The following PITPNC1 variants were observed in gnomAD, a reference collection of about 807,000 sequenced individuals.
PITPNC1 encodes the protein phosphatidylinositol transfer protein cytoplasmic 1, also known as cytoplasmic phosphatidylinositol transfer protein 1.
Under a neutral mutation model 44.7 loss-of-function variants are expected in PITPNC1, and 18 were observed. The observed-to-expected ratio is 0.40, with a 90% CI of 0.28 to 0.60. The LOEUF is 0.60. Ranked by LOEUF, PITPNC1 falls within the 20% of genes least tolerant of loss-of-function variation. The probability of loss-of-function intolerance (pLI) is 0.39; values close to 1 mark genes in which losing one functional copy is unlikely to be tolerated. For synonymous variants in PITPNC1, 141 were observed against 149.6 expected, an observed-to-expected ratio of 0.94 and a Z score of 0.42; for missense variants, 290 against 418.4, an observed-to-expected ratio of 0.69 and a Z score of 2.68.
rs566539344 is a variant in PITPNC1, at chr17:67,427,191, A to G, written c.48+48989A>G. Among the ~76,000 whole-genome samples the G allele has an allele frequency of 2.6e-5, 4 of 152,126 alleles. No individual in the cohort carries two copies. The South Asian group carries it at 8.3e-4, about 32-fold the overall frequency. The stretch of plus-strand genomic sequence containing the variant: ...CCTGGCTACTTTCTTTCTTTCCCAC[A>G]ATGTATACTTTCTCACTATTTATTT... On this transcript the variant is annotated intron_variant, in intron 1 of 8. Coordinates refer to ENST00000581322, the MANE Select transcript of PITPNC1 (RefSeq NM_012417.4).
intron 5 of PITPNC1, among the ~76,000 whole-genome samples, chr17:67,605,343 T>C (rs528884706): frequency 6.6e-6 from 1 of 152,340 alleles, no homozygotes; most frequent in African/African-American, 2.4e-5. Context: ...TGCAAGTCTT[T>C]GTCCTGAACC....
rs116781870 is a variant in PITPNC1, at chr17:67,556,885, T to A, written c.294+3268T>A. On this transcript the variant is annotated intron_variant, in intron 4 of 8. Coordinates refer to ENST00000581322, the MANE Select transcript of PITPNC1 (RefSeq NM_012417.4). ...CATTTTAAGGAAGAACTGTGTTGCA[T>A]GTAAGTGTTAGAGCTGAAGTGCAGA... 4.0e-3 allele frequency among the ~76,000 whole-genome samples: 610 copies of A among 152,268 alleles called. 2 individuals carry two copies. The highest frequency in any genetic ancestry group is 0.014 in the African/African-American group (587 of 41,544).
chr17:67,686,832 C>A (rs943627750), intron 8 of PITPNC1, among the ~76,000 whole-genome samples: 4 of 152,140 alleles, frequency 2.6e-5, no homozygotes, highest in African/African-American at 9.7e-5. Context: ...AAGAATCACC[C>A]CTAAATAATT....
In PITPNC1 at chr17:67,577,979, G is replaced by A. The variant is rs1178230659; in HGVS notation, c.295-207G>A. 4 of 597,704 alleles carry A rather than the reference G, an allele frequency of 6.7e-6. No homozygotes were observed. In the East Asian group the frequency reaches 1.2e-4, roughly 18 times the overall value. The allele number at this position is 597,704 out of a possible 1,614,324, so 37.0% of individuals were successfully genotyped here. A position where few individuals can be genotyped will look rare whatever the true frequency, so the allele number is the denominator to read the frequency against. ...CCTCTACTGCTGGTTATTCTCTGTG[G>A]CCTGACCTCTGTCTGGATGAAACTG... On this transcript the variant is annotated intron_variant, in intron 4 of 8. Transcript: ENST00000581322.
At chr17:67,408,703 TTCCTTCC>T (rs1567978356) in intron 1 of PITPNC1, 7 of 144,672 alleles carry the variant, frequency 4.8e-5, no homozygotes, top group Admixed American at 1.4e-4. Flanking sequence ...CCTTCCTTCC[TTCCTTCC>T]TTCCTTCCTT....
intron 1 of PITPNC1, chr17:67,379,059 G>C: frequency 1.0e-6 from 1 of 985,832 alleles, no homozygotes. Context: ...GGATTATTCC[G>C]GCCCCGGCTT....
At chr17:67,604,428 C>T (rs532250199) in intron 5 of PITPNC1, among the ~76,000 whole-genome samples, 5 of 152,038 alleles carry the variant, frequency 3.3e-5, no homozygotes, top group East Asian at 1.9e-4. Flanking sequence ...AGAGGATCTG[C>T]GTAGGAACAC....
intron 4 of PITPNC1, among the ~76,000 whole-genome samples, chr17:67,566,384 A>G (rs143605592): frequency 0.029 from 4,349 of 152,178 alleles, 85 homozygotes; most frequent in South Asian, 0.035. Context: ...TTGTATTTTT[A>G]GTAGAGACAG....
At chr17:67,398,003 G>T (rs1465966768) in intron 1 of PITPNC1, among the ~76,000 whole-genome samples, 1 of 151,484 alleles carries the variant, frequency 6.6e-6, no homozygotes, top group East Asian at 2.0e-4. Context: ...TGGGGCAGGA[G>T]AATGGTGTGA....
intron 5 of PITPNC1, among the ~76,000 whole-genome samples, chr17:67,607,026 C>A (rs1184993175): frequency 6.6e-6 from 1 of 152,148 alleles, no homozygotes; most frequent in East Asian, 1.9e-4. Context: ...CAGAATGGAG[C>A]GTGTGACCTC....
intron 4 of PITPNC1, among the ~76,000 whole-genome samples, chr17:67,571,372 C>T (rs1055170864): frequency 1.1e-4 from 16 of 152,122 alleles, no homozygotes; most frequent in African/African-American, 3.1e-4. Flanking sequence ...GTCAAGGCTG[C>T]GGCGAGCTGA....
intron 5 of PITPNC1, among the ~76,000 whole-genome samples, chr17:67,591,359 G>A (rs931550181): frequency 6.6e-6 from 1 of 152,194 alleles, no homozygotes; most frequent in African/African-American, 2.4e-5. Flanking sequence ...GAGAAAAAGA[G>A]CCCAAAGGAT....
intron 1 of PITPNC1, among the ~76,000 whole-genome samples, chr17:67,421,086 C>T (rs2038666765): frequency 6.6e-6 from 1 of 152,036 alleles, no homozygotes; most frequent in African/African-American, 2.4e-5. Flanking sequence ...CTGCGCATTC[C>T]ACCCTGGCTT....
intron 2 of PITPNC1, among the ~76,000 whole-genome samples, chr17:67,533,967 T>G (rs939425996): frequency 6.6e-6 from 1 of 152,148 alleles, no homozygotes; most frequent in Non-Finnish European, 1.5e-5. Context: ...TGATCTCTGC[T>G]CACTGCAACC....
intron 1 of PITPNC1, among the ~76,000 whole-genome samples, chr17:67,448,636 G>C (rs189455359): frequency 6.6e-6 from 1 of 152,154 alleles, no homozygotes; most frequent in Non-Finnish European, 1.5e-5. Context: ...ATTCTCTTCT[G>C]TCAGAGTCCA....
At chr17:67,470,294 TAC>T (rs1315670766) in intron 1 of PITPNC1, among the ~76,000 whole-genome samples, 1 of 152,306 alleles carries the variant, frequency 6.6e-6, no homozygotes, top group East Asian at 1.9e-4. Flanking sequence ...AACATATATA[TAC>T]ACACACTGTA....
chr17:67,388,548 C>T (rs2038088636), intron 1 of PITPNC1, among the ~76,000 whole-genome samples: 1 of 152,072 alleles, frequency 6.6e-6, no homozygotes. Context: ...CCTTGAACTC[C>T]TGACCTAGTG....
chr17:67,468,638 C>T (rs1314167741), intron 1 of PITPNC1, among the ~76,000 whole-genome samples: 3 of 151,116 alleles, frequency 2.0e-5, no homozygotes, highest in East Asian at 1.9e-4. Context: ...CTCCTGACCT[C>T]GTGATCCGCC....
chr17:67,500,853 AT>A (rs113737016), intron 1 of PITPNC1, among the ~76,000 whole-genome samples: 1,599 of 141,938 alleles, frequency 0.011, 13 homozygotes, highest in African/African-American at 0.012. Flanking sequence ...ACTTGACAAA[AT>A]TTTTTTTTTT....
Sources: allele counts gnomAD v4.1 joint callset (sites outside exome capture counted in the v4.1 genomes callset), GRCh38; gene constraint gnomAD v4.1.1; transcripts MANE v1.5; gene names NCBI Gene and HGNC (gene_info 2026-07-23, HGNC 2026-07-21).